TNFRSF8: variants seen among roughly 807,000 people sequenced by gnomAD.
The protein encoded by TNFRSF8 is TNF receptor superfamily member 8, also known as tumor necrosis factor receptor superfamily member 8.
A neutral mutation model predicts 70.8 loss-of-function variants in TNFRSF8; 26 were observed. That is an observed-to-expected ratio of 0.37 (90% CI 0.27 to 0.51). The LOEUF (loss-of-function observed/expected upper bound fraction) is 0.51. Ranked by LOEUF, TNFRSF8 falls within the 20% of genes least tolerant of loss-of-function variation. TNFRSF8 has a pLI of 0.94. For missense variants in TNFRSF8, 720 were observed against 807.9 expected (o/e 0.89, Z 1.32); for synonymous variants, 356 against 339.2 (o/e 1.05, Z -0.54).
At chr1:12,102,977 C>T (rs11569841) in intron 3 of TNFRSF8, among the ~76,000 whole-genome samples, 3,483 of 152,236 alleles carry the variant, frequency 0.023, 122 homozygotes, top group African/African-American at 0.077. Flanking sequence ...TAATGGCTAA[C>T]GGTGTGGGAC....
rs534393030 is a variant in TNFRSF8, at chr1:12,099,815, G to A, written c.268+2598G>A. 2.6e-5 allele frequency among the ~76,000 whole-genome samples: 4 copies of A among 152,090 alleles called. No individual in the cohort carries two copies. In the East Asian group the frequency reaches 7.7e-4, roughly 29 times the overall value. On this transcript the variant is annotated intron_variant, in intron 3 of 14. Transcript: ENST00000263932. ...ACAGCATGTGACTGTCCTGAATACT[G>A]TAGGCAGCTGTGACACAATGTGAGT...
chr1:12,130,264 C>T (rs1642023630), intron 12 of TNFRSF8, among the ~76,000 whole-genome samples: 1 of 152,112 alleles, frequency 6.6e-6, no homozygotes, highest in African/African-American at 2.4e-5. Flanking sequence ...TTCATGGGGC[C>T]CTGTTCTGTT....
rs1196054573 is a variant in TNFRSF8, at chr1:12,123,834, G to A, written c.1153+7G>A. 1.9e-6 allele frequency: 3 copies of A among 1,555,386 alleles called. No homozygotes were observed. The highest frequency in any genetic ancestry group is 3.9e-5 in the Admixed American group (2 of 51,638). ...AAGCCCGTTCTGGATGCAGGTAATG[G>A]TCCCAGCCCACTCACCCCTACTCCC... On this transcript the variant is annotated splice_region_variant and intron_variant, in intron 10 of 14. Coordinates refer to ENST00000263932, the MANE Select transcript of TNFRSF8 (RefSeq NM_001243.5).
intron 12 of TNFRSF8, among the ~76,000 whole-genome samples, chr1:12,132,563 C>T (rs1393051699): frequency 2.0e-5 from 3 of 152,158 alleles, no homozygotes; most frequent in East Asian, 1.9e-4. Context: ...CTTGGCTGGG[C>T]GCAGTAGCTC....
chr1:12,094,881 C>T (rs566475459), intron 2 of TNFRSF8, among the ~76,000 whole-genome samples: 1 of 152,146 alleles, frequency 6.6e-6, no homozygotes, highest in Admixed American at 6.5e-5. Flanking sequence ...GCGCCTCGGC[C>T]TCCGAAAGTG....
At position 12,123,405 on chromosome 1, in the gene TNFRSF8, T is replaced by C. The variant is rs374212848; in HGVS notation, c.1040+28T>C. 1.1e-4 allele frequency: 181 copies of C among 1,578,122 alleles called. 1 individual carries two copies. The African/African-American group carries it at 2.2e-3, about 19-fold the overall frequency. On this transcript the variant is annotated intron_variant, in intron 9 of 14. Transcript: ENST00000263932. ...GACTCCCCCACCCCTTCTCTCTGTTTGGCTGCTGCAGGAGGGAGCTGTCCC... is the reference window on the plus strand; with the variant it reads ...GACTCCCCCACCCCTTCTCTCTGTTCGGCTGCTGCAGGAGGGAGCTGTCCC...
In TNFRSF8 at chr1:12,105,574, C is replaced by CACAT. The variant is rs1553156025; in HGVS notation, c.421+1046_421+1047insTACA. ...TCACTCACTCACTCTCTCTCTGTCT[C>CACAT]ACACACACACACACACACACACACG... On this transcript the variant is annotated intron_variant, in intron 4 of 14. Transcript: ENST00000263932. 4.3e-3 allele frequency among the ~76,000 whole-genome samples: 17 copies of CACAT among 3,990 alleles called. No homozygotes were observed. The South Asian group carries it at 0.29, about 67-fold the overall frequency. 2.6% of individuals were successfully genotyped at this position (3,990 alleles called of 152,430 possible). A position where few individuals can be genotyped will look rare whatever the true frequency, so the allele number is the denominator to read the frequency against.
In TNFRSF8 at chr1:12,066,670, T is replaced by A. The variant is rs903684094; in HGVS notation, c.63+3009T>A. 1.0e-4 allele frequency among the ~76,000 whole-genome samples: 15 copies of A among 144,068 alleles called. 1 individual carries two copies. The highest frequency in any genetic ancestry group is 2.1e-4 in the Non-Finnish European group (14 of 66,036). 94.5% of individuals were successfully genotyped at this position (144,068 alleles called of 152,430 possible). A position where few individuals can be genotyped will look rare whatever the true frequency, so the allele number is the denominator to read the frequency against. ...CCCCGGCCTAAATTTTTTTTTATTT[T>A]TTGGGACAGTCTCACTTTGTCTCCC... On this transcript the variant is annotated intron_variant, in intron 1 of 14. Coordinates refer to ENST00000263932, the MANE Select transcript of TNFRSF8 (RefSeq NM_001243.5).
intron 12 of TNFRSF8, among the ~76,000 whole-genome samples, chr1:12,130,482 C>T (rs1436024006): frequency 6.6e-6 from 1 of 152,184 alleles, no homozygotes; most frequent in Non-Finnish European, 1.5e-5. Flanking sequence ...CTCCAAGGAG[C>T]CCGGGGTTTG....
intron 8 of TNFRSF8, among the ~76,000 whole-genome samples, chr1:12,116,142 C>T (rs190473113): frequency 0.013 from 2,006 of 151,836 alleles, 45 homozygotes; most frequent in African/African-American, 0.044. Flanking sequence ...CCACCACAGC[C>T]GGCTAATGTT....
In TNFRSF8 at chr1:12,111,929, G is replaced by T. The variant is rs1446129795; in HGVS notation, c.708G>T (p.Gly236=). 1 of 1,614,116 alleles carries T rather than the reference G, an allele frequency of 6.2e-7. No homozygotes were observed. The change falls in exon 7 of 15, where the codon GGG becomes GGT. Residue 236 remains glycine, a synonymous_variant. Coordinates refer to ENST00000263932, the MANE Select transcript of TNFRSF8 (RefSeq NM_001243.5). ...CCCCAACACAGCCATGCCCAGAGGG[G>T]TCTGGTGATTGCAGAAAGCAGTGTG... ...GLSPTQPCPE[G]SGDCRKQCEP...
At chr1:12,085,754 A>G (rs972782947) in intron 2 of TNFRSF8, among the ~76,000 whole-genome samples, 2 of 152,192 alleles carry the variant, frequency 1.3e-5, no homozygotes, top group Admixed American at 6.5e-5. Flanking sequence ...TCCATTTTGT[A>G]GATGATGCTT....
intron 13 of TNFRSF8, among the ~76,000 whole-genome samples, chr1:12,136,821 C>G (rs186993247): frequency 6.7e-6 from 1 of 148,638 alleles, no homozygotes; most frequent in Admixed American, 6.7e-5. Flanking sequence ...TAATCTTTGT[C>G]TGGAGTGACA....
chr1:12,076,084 T>TTC (rs201813412), intron 1 of TNFRSF8, among the ~76,000 whole-genome samples: 44 of 113,474 alleles, frequency 3.9e-4, no homozygotes, highest in African/African-American at 1.1e-3. Flanking sequence ...CTTGGTTTTA[T>TTC]TCTTTTTTTT....
intron 8 of TNFRSF8, among the ~76,000 whole-genome samples, chr1:12,118,241 G>A (rs1641769102): frequency 6.6e-6 from 1 of 151,938 alleles, no homozygotes; most frequent in Non-Finnish European, 1.5e-5. Flanking sequence ...CTCCCAAGTA[G>A]CTGGGATTAC....
intron 12 of TNFRSF8, among the ~76,000 whole-genome samples, chr1:12,127,298 G>A (rs557653635): frequency 6.6e-6 from 1 of 152,252 alleles, no homozygotes; most frequent in African/African-American, 2.4e-5. Context: ...CAGGCTTCCT[G>A]TACTCCCCCA....
At chr1:12,134,406 A>G (rs1328001448) in intron 12 of TNFRSF8, among the ~76,000 whole-genome samples, 1 of 152,164 alleles carries the variant, frequency 6.6e-6, no homozygotes, top group Non-Finnish European at 1.5e-5. Flanking sequence ...AGATGCCCGG[A>G]TGCCCTCTCA....
rs1642195127 is a variant in TNFRSF8 at position 12,138,515 on chromosome 1, G to A, written c.1543+79G>A. On this transcript the variant is annotated intron_variant, in intron 14 of 14. Coordinates refer to ENST00000263932, the MANE Select transcript of TNFRSF8 (RefSeq NM_001243.5). This position sits in a 1 kb window ranked among gnomAD's most constrained non-coding sequence, Gnocchi z 5.7. ...GAATACGGGGCCCTGGGCCCTGGAAGGGACCTGGAGACCCTGGAGTTGAAA... is the reference window on the plus strand; with the variant it reads ...GAATACGGGGCCCTGGGCCCTGGAAAGGACCTGGAGACCCTGGAGTTGAAA... The A allele has an allele frequency of 2.2e-6, 3 of 1,368,502 alleles. No homozygotes were observed. Among genetic ancestry groups the A allele is most frequent in the Admixed American group, 2.7e-5 (1 of 37,422 alleles). 84.8% of individuals were successfully genotyped at this position (1,368,502 alleles called of 1,614,324 possible).
At chr1:12,116,705 C>T (rs951387157) in intron 8 of TNFRSF8, among the ~76,000 whole-genome samples, 2 of 152,104 alleles carry the variant, frequency 1.3e-5, no homozygotes, top group African/African-American at 4.8e-5. Context: ...GAGGTTGAGG[C>T]AGGAGAATCG....
Sources: gnomAD v4.1 joint callset for allele counts (sites outside exome capture counted in the v4.1 genomes callset) on GRCh38, gnomAD v4.1.1 for gene constraint, Gnocchi (gnomAD v3.1) non-coding constraint, MANE v1.5 for transcripts, NCBI Gene and HGNC (gene_info 2026-07-23, HGNC 2026-07-21) for gene names.